Variants in BTBD8 observed in about 807,000 individuals in gnomAD.
BTBD8 encodes BTB domain containing 8, also known as BTB/POZ domain-containing protein 8.
Under a neutral mutation model 162.9 loss-of-function variants are expected in BTBD8, and 110 were observed. The observed-to-expected ratio is 0.68, with a 90% CI of 0.58 to 0.79. BTBD8 has a LOEUF of 0.79. BTBD8 is among the 30% of genes least tolerant of loss of function. The pLI is 0.00. For missense variants in BTBD8, 1,905 were observed against 2,085.4 expected, an observed-to-expected ratio of 0.91 and a Z score of 1.68; for synonymous variants, 667 against 716.1, an observed-to-expected ratio of 0.93 and a Z score of 1.10.
intron 2 of BTBD8, among the ~76,000 whole-genome samples, chr1:92,096,363 A>G (rs762243252): frequency 2.0e-5 from 3 of 152,042 alleles, no homozygotes; most frequent in Admixed American, 2.0e-4. Context: ...CCCTTTGCAT[A>G]CACCTTCAAC....
intron 9 of BTBD8, among the ~76,000 whole-genome samples, chr1:92,160,047 A>C (rs1482110557): frequency 6.6e-6 from 1 of 151,930 alleles, no homozygotes; most frequent in African/African-American, 2.4e-5. Flanking sequence ...TAGTGCCTTA[A>C]ACTTTCTTTA....
rs1288742168 is a variant in BTBD8, at chr1:92,184,191, A to G, written c.5240A>G (p.His1747Arg). The G allele has an allele frequency of 6.4e-7, 1 of 1,551,504 alleles. No individual in the cohort carries two copies. The highest frequency in any genetic ancestry group is 8.7e-7 in the Non-Finnish European group (1 of 1,146,880). ...RDSSKPQGIT[H>R]IDTLNRWSEL... is the part of the protein sequence containing the mutation. ...AGCTCAAAACCTCAGGGTATAACAC[A>G]TATTGACACTTTGAACAGATGGAGT... Residue 1747 changes from histidine to arginine, a missense_variant, in exon 18 of 18, where the codon CAT (histidine) becomes CGT (arginine). By Grantham distance (29) the His-to-Arg change is conservative. Transcript: ENST00000636805.
intron 2 of BTBD8, 41 bp from the exon 3 acceptor site, chr1:92,102,432 A>G (rs1284231213): frequency 8.1e-7 from 1 of 1,234,320 alleles, no homozygotes; most frequent in Non-Finnish European, 1.1e-6. Flanking sequence ...TTTAAGAATC[A>G]CCAATGTTAT....
chr1:92,139,930 T>TAAA (rs1649728390), intron 6 of BTBD8: 4 of 2,730 alleles, frequency 1.5e-3, no homozygotes, highest in East Asian at 0.045. Flanking sequence ...CTACTAAAAA[T>TAAA]ACAAAAAAAA....
intron 9 of BTBD8, among the ~76,000 whole-genome samples, chr1:92,162,337 A>G (rs1290027408): frequency 6.6e-6 from 1 of 152,204 alleles, no homozygotes; most frequent in Non-Finnish European, 1.5e-5. Context: ...AGTGAAAGAG[A>G]GTTCACATCC....
chr1:92,158,080 T>C (rs926989506), intron 9 of BTBD8, among the ~76,000 whole-genome samples: 1 of 152,190 alleles, frequency 6.6e-6, no homozygotes, highest in Non-Finnish European at 1.5e-5. Context: ...TTACCATTGG[T>C]ATGAAATATC....
intron 7 of BTBD8, among the ~76,000 whole-genome samples, chr1:92,146,197 G>A (rs1013346137): frequency 3.5e-5 from 4 of 113,382 alleles, no homozygotes; most frequent in Admixed American, 9.3e-5. Context: ...AATAAAAATC[G>A]TGTGCATTCT....
Position 92,182,041 on chromosome 1 carries a change from G to A in BTBD8, c.4358G>A (p.Gly1453Glu), listed in dbSNP as rs1396319690. ...DECEELGSDE[G>E]EVHTPFQASV... is the part of the protein sequence containing the mutation. ...TGTGAAGAGCTGGGATCAGATGAAG[G>A]AGAAGTCCATACTCCCTTTCAGGCT... The change falls in exon 17 of 18, where the codon GGA (glycine) becomes GAA (glutamate). Residue 1453 changes from glycine (G) to glutamate (E), a missense_variant. Coordinates refer to ENST00000636805, the MANE Select transcript of BTBD8 (RefSeq NM_001376131.1). The A allele has an allele frequency of 6.4e-7, 1 of 1,551,450 alleles. No individual in the cohort carries two copies. Among genetic ancestry groups the A allele is most frequent in the Non-Finnish European group, 8.7e-7 (1 of 1,146,886 alleles).
intron 1 of BTBD8, among the ~76,000 whole-genome samples, chr1:92,087,759 T>G (rs1648199140): frequency 6.6e-6 from 1 of 152,246 alleles, no homozygotes; most frequent in Non-Finnish European, 1.5e-5. Context: ...TTCCAAGCTT[T>G]CACTGTAATG....
intron 7 of BTBD8, among the ~76,000 whole-genome samples, chr1:92,144,494 T>G (rs1209162189): frequency 6.6e-6 from 1 of 151,912 alleles, no homozygotes; most frequent in East Asian, 1.9e-4. Flanking sequence ...TTACATTTTT[T>G]TTTTTTTGTC....
chr1:92,173,427 T>G lies in BTBD8; in HGVS notation c.1635+1967T>G, dbSNP rs575416155. ...CTAGGAAATGGTGCACTAGGACATTTTTTTCTGTGTTCCCTGTTATCCCCG... is the reference window on the plus strand; with the variant it reads ...CTAGGAAATGGTGCACTAGGACATTGTTTTCTGTGTTCCCTGTTATCCCCG... On this transcript the variant is annotated intron_variant, in intron 13 of 17. Transcript: ENST00000636805. 2.0e-5 allele frequency among the ~76,000 whole-genome samples: 3 copies of G among 152,308 alleles called. No individual in the cohort carries two copies. In the South Asian group the frequency reaches 6.2e-4, roughly 32 times the overall value.
chr1:92,138,545 T>A (rs1649687762), intron 5 of BTBD8, among the ~76,000 whole-genome samples: 1 of 152,228 alleles, frequency 6.6e-6, no homozygotes, highest in African/African-American at 2.4e-5. Flanking sequence ...CAGATATACT[T>A]CTTCTCCATC....
intron 6 of BTBD8, chr1:92,140,038 A>C (rs1227780875): frequency 7.6e-6 from 1 of 131,882 alleles, no homozygotes; most frequent in African/African-American, 2.9e-5. Flanking sequence ...TGAACCTGGG[A>C]GGTGAAGGTT....
At chr1:92,131,117 C>G (rs1413893453) in intron 5 of BTBD8, among the ~76,000 whole-genome samples, 1 of 152,194 alleles carries the variant, frequency 6.6e-6, no homozygotes, top group East Asian at 1.9e-4. Flanking sequence ...GCCAGAAGGA[C>G]TATGCTGGAG....
At chr1:92,108,911 A>T (rs930329598) in intron 4 of BTBD8, among the ~76,000 whole-genome samples, 11 of 152,348 alleles carry the variant, frequency 7.2e-5, no homozygotes, top group African/African-American at 2.6e-4. Context: ...CACAGCCCTT[A>T]ATGAAATTAG....
At chr1:92,133,293 G>C (rs746649328) in intron 5 of BTBD8, among the ~76,000 whole-genome samples, 19 of 152,238 alleles carry the variant, frequency 1.2e-4, no homozygotes, top group South Asian at 4.1e-4. Context: ...AGCTTCCTGA[G>C]GTGGTTGAAA....
chr1:92,113,099 A>C (rs1429962945), intron 4 of BTBD8, among the ~76,000 whole-genome samples: 1 of 152,232 alleles, frequency 6.6e-6, no homozygotes, highest in African/African-American at 2.4e-5. Flanking sequence ...AAACTTAATC[A>C]AAAGGAGAAA....
rs1457586561 is a variant in BTBD8, at chr1:92,167,053, G to A, written c.1218G>A (p.Ala406=). ...VKWTEAALTM[A]SQLQEKCIAF... is the part of the protein sequence containing the mutation. ...GGACGGAAGCAGCACTGACCATGGC[G>A]TCTCAGCTTCAAGAAAAATGTATTG... The change falls in exon 10 of 18, where the codon GCG becomes GCA. Residue 406 remains alanine, a synonymous_variant. Transcript: ENST00000636805. 57 of 1,550,564 alleles carry A rather than the reference G, an allele frequency of 3.7e-5. No individual in the cohort carries two copies. The highest frequency in any genetic ancestry group is 1.2e-4 in the East Asian group (5 of 40,916).
At chr1:92,089,310 A>G (rs1648237977) in intron 2 of BTBD8, among the ~76,000 whole-genome samples, 1 of 152,088 alleles carries the variant, frequency 6.6e-6, no homozygotes, top group African/African-American at 2.4e-5. Flanking sequence ...TTGTGACCGA[A>G]ATGTCTCCAG....
Sources: gnomAD v4.1 joint callset for allele counts (sites outside exome capture counted in the v4.1 genomes callset) on GRCh38, gnomAD v4.1.1 for gene constraint, MANE v1.5 for transcripts, NCBI Gene and HGNC (gene_info 2026-07-23, HGNC 2026-07-21) for gene names.